The following NFYC variants were observed in gnomAD, a reference collection of about 807,000 sequenced individuals.
The protein encoded by NFYC is nuclear transcription factor Y subunit gamma.
A neutral mutation model predicts 53.1 loss-of-function variants in NFYC; 25 were observed. The ratio of observed to expected loss-of-function variants is 0.47; its 90% CI spans 0.34 to 0.66. The LOEUF (loss-of-function observed/expected upper bound fraction) is 0.66. Among genes scored for constraint, NFYC ranks in the 30% least tolerant of loss-of-function variants. NFYC has a pLI of 0.01. For missense variants in NFYC, 260 were observed against 422.7 expected (o/e 0.62, Z 3.38); for synonymous variants, 145 against 152.6 (o/e 0.95, Z 0.37).
intron 1 of NFYC, chr1:40,730,490 T>C: frequency 2.2e-6 from 2 of 901,920 alleles, no homozygotes; most frequent in Middle Eastern, 5.7e-4. Context: ...TAGAGCAGTA[T>C]CTGTGAAGCA....
At chr1:40,717,507 T>C (rs970317358) in intron 1 of NFYC, among the ~76,000 whole-genome samples, 2 of 152,234 alleles carry the variant, frequency 1.3e-5, no homozygotes, top group African/African-American at 4.8e-5. Context: ...ATGTAATACA[T>C]GGTCTTCTGA....
intron 5 of NFYC, among the ~76,000 whole-genome samples, chr1:40,754,045 G>A (rs1368028619): frequency 1.3e-5 from 2 of 152,036 alleles, no homozygotes; most frequent in Non-Finnish European, 2.9e-5. Flanking sequence ...GATTCACTAG[G>A]TGCCACTTGG....
intron 1 of NFYC, among the ~76,000 whole-genome samples, chr1:40,707,095 A>G (rs868502486): frequency 2.6e-5 from 4 of 151,936 alleles, no homozygotes; most frequent in Middle Eastern, 3.2e-3. Flanking sequence ...GCTTGAACCC[A>G]GGAGGCAGAG....
chr1:40,739,758 CAAG>C (rs1553156718), intron 2 of NFYC, among the ~76,000 whole-genome samples: 2 of 152,288 alleles, frequency 1.3e-5, no homozygotes, highest in South Asian at 2.1e-4. Flanking sequence ...CAGTAAAAGT[CAAG>C]GAGCACAGAG....
chr1:40,734,475 C>T (rs1467587591), intron 1 of NFYC, among the ~76,000 whole-genome samples: 1 of 152,056 alleles, frequency 6.6e-6, no homozygotes, highest in Non-Finnish European at 1.5e-5. Context: ...GCCTCCACCT[C>T]CTTGGTTCCC....
intron 1 of NFYC, among the ~76,000 whole-genome samples, chr1:40,729,210 G>A (rs1259563906): frequency 1.3e-5 from 2 of 152,164 alleles, no homozygotes; most frequent in Non-Finnish European, 2.9e-5. Context: ...GTCCTTGATG[G>A]CATCTTCTTC....
chr1:40,727,778 G>A (rs986440406), intron 1 of NFYC, among the ~76,000 whole-genome samples: 3 of 151,930 alleles, frequency 2.0e-5, no homozygotes, highest in Non-Finnish European at 2.9e-5. Flanking sequence ...TGATTCGCCC[G>A]CCTCGGCCTC....
chr1:40,764,678 T>C (rs2361650), intron 7 of NFYC, among the ~76,000 whole-genome samples: 32,579 of 152,194 alleles, frequency 0.21, 4,129 homozygotes, highest in South Asian at 0.42. Flanking sequence ...CCAGACTCTT[T>C]AGGCAGCTCA....
intron 2 of NFYC, among the ~76,000 whole-genome samples, chr1:40,739,328 T>C (rs912233596): frequency 3.9e-5 from 6 of 152,198 alleles, no homozygotes; most frequent in African/African-American, 7.2e-5. Flanking sequence ...GTAAAAACTA[T>C]TGGGCAATTT....
chr1:40,704,238 A>T (rs1042604712), intron 1 of NFYC, among the ~76,000 whole-genome samples: 23 of 152,162 alleles, frequency 1.5e-4, no homozygotes, highest in Non-Finnish European at 2.8e-4. Context: ...CGCCCGGCTA[A>T]TTTTTTGTAT....
At chr1:40,732,888 G>A (rs1644834992) in intron 1 of NFYC, among the ~76,000 whole-genome samples, 2 of 151,776 alleles carry the variant, frequency 1.3e-5, no homozygotes. Context: ...ATTTCTGATT[G>A]CAGTCTTGCT....
intron 5 of NFYC, among the ~76,000 whole-genome samples, chr1:40,756,768 C>T (rs1646247606): frequency 6.6e-6 from 1 of 152,246 alleles, no homozygotes; most frequent in Non-Finnish European, 1.5e-5. Flanking sequence ...CTCTAACTGT[C>T]TGCCTGTCTA....
intron 6 of NFYC, among the ~76,000 whole-genome samples, chr1:40,761,419 C>A (rs369601050): frequency 2.6e-5 from 4 of 152,216 alleles, no homozygotes; most frequent in African/African-American, 9.6e-5. Context: ...CTTCGTAGGA[C>A]AGAATACATA....
intron 5 of NFYC, among the ~76,000 whole-genome samples, chr1:40,753,708 C>CTG (rs1487567240): frequency 1.3e-5 from 2 of 152,146 alleles, no homozygotes; most frequent in Non-Finnish European, 2.9e-5. Context: ...CTAGAATCAC[C>CTG]TGTTGGGGTT....
chr1:40,700,080 A>C (rs1192973352), intron 1 of NFYC, among the ~76,000 whole-genome samples: 1 of 152,222 alleles, frequency 6.6e-6, no homozygotes, highest in East Asian at 1.9e-4. Context: ...TGAATAAAAA[A>C]ATGAATCATT....
chr1:40,737,446 A>G (rs1645096232), intron 1 of NFYC, among the ~76,000 whole-genome samples: 1 of 151,172 alleles, frequency 6.6e-6, no homozygotes, highest in Non-Finnish European at 1.5e-5. Flanking sequence ...CTCCTGCCTC[A>G]GCCTCCTGAG....
At chr1:40,705,705 C>T (rs1472833565) in intron 1 of NFYC, among the ~76,000 whole-genome samples, 1 of 152,106 alleles carries the variant, frequency 6.6e-6, no homozygotes, top group Admixed American at 6.6e-5. Flanking sequence ...CTCTAACTGG[C>T]ATATCAAATT....
chr1:40,747,844 T>G (rs913013636), intron 3 of NFYC, among the ~76,000 whole-genome samples: 59 of 151,510 alleles, frequency 3.9e-4, no homozygotes, highest in African/African-American at 1.4e-3. Flanking sequence ...ATGTTGGGTT[T>G]TTTTTTTTTT....
chr1:40,717,495 G>T (rs553580969), intron 1 of NFYC, among the ~76,000 whole-genome samples: 3 of 152,258 alleles, frequency 2.0e-5, no homozygotes, highest in Admixed American at 6.5e-5. Context: ...TTGGAGCACC[G>T]TATGTAATAC....
Sources: allele counts gnomAD v4.1 joint callset (sites outside exome capture counted in the v4.1 genomes callset), GRCh38; gene constraint gnomAD v4.1.1; transcripts MANE v1.5; gene names NCBI Gene and HGNC (gene_info 2026-07-23, HGNC 2026-07-21).